The following SCN9A variants were observed in gnomAD, a reference collection of about 807,000 sequenced individuals.
SCN9A encodes sodium channel protein type 9 subunit alpha.
A neutral mutation model predicts 187.0 loss-of-function variants in SCN9A; 131 were observed. That is an observed-to-expected ratio of 0.70 (90% CI 0.61 to 0.81). SCN9A has a LOEUF of 0.81. Among genes scored for constraint, SCN9A ranks in the 30% least tolerant of loss-of-function variants. The pLI, the probability that SCN9A is intolerant of heterozygous loss-of-function variation, is 0.00. For missense variants in SCN9A, 2,252 were observed against 2,396.6 expected, an observed-to-expected ratio of 0.94 and a Z score of 1.26; for synonymous variants, 809 against 808.6, an observed-to-expected ratio of 1.00 and a Z score of -0.01.
Position 166,310,450 on chromosome 2 carries a change from C to G in SCN9A, c.258+1049G>C, listed in dbSNP as rs1371464353. Among the ~76,000 whole-genome samples the G allele has an allele frequency of 3.5e-5, 3 of 84,858 alleles. 1 individual carries two copies. The East Asian group carries it at 7.6e-4, about 21-fold the overall frequency. 55.7% of individuals were successfully genotyped at this position (84,858 alleles called of 152,430 possible). On this transcript the variant is annotated intron_variant, in intron 2 of 26. Coordinates refer to ENST00000642356, the MANE Select transcript of SCN9A (RefSeq NM_001365536.1). ...TCAAAAAGTGGGCAAAGGACATGAACAGACACTTCTCAAAAGAAGACATTT... is the reference window on the plus strand; with the variant it reads ...TCAAAAAGTGGGCAAAGGACATGAAGAGACACTTCTCAAAAGAAGACATTT...
intron 2 of SCN9A, among the ~76,000 whole-genome samples, chr2:166,311,249 A>T (rs1283931507): frequency 6.2e-5 from 6 of 97,466 alleles, no homozygotes; most frequent in African/African-American, 1.2e-4. Flanking sequence ...AAGTATAATT[A>T]AAAAAAAAAA....
intron 1 of SCN9A, among the ~76,000 whole-genome samples, chr2:166,364,387 T>C (rs753149666): frequency 2.6e-5 from 4 of 152,128 alleles, no homozygotes; most frequent in Middle Eastern, 3.2e-3. Context: ...CCAATGTTCA[T>C]AGCAGCACTA....
chr2:166,306,637 G>C (rs888806224), intron 3 of SCN9A, 38 bp from the exon 4 acceptor site: 14 of 1,365,098 alleles, frequency 1.0e-5, no homozygotes, highest in African/African-American at 1.4e-5. Context: ...ACGACAGTGG[G>C]AATTTGAAAT....
At chr2:166,225,046 C>T (rs1018518862) in intron 24 of SCN9A, among the ~76,000 whole-genome samples, 1 of 152,098 alleles carries the variant, frequency 6.6e-6, no homozygotes, top group Non-Finnish European at 1.5e-5. Context: ...GAATGAAACA[C>T]CAGCTGCTAT....
chr2:166,276,727 GA>G (rs1697252015), intron 16 of SCN9A: 1 of 220,080 alleles, frequency 4.5e-6, no homozygotes, highest in Non-Finnish European at 8.7e-6. Context: ...CAAAATTAGA[GA>G]AAAAGATAGA....
chr2:166,279,210 G>A (rs530891810), intron 14 of SCN9A, among the ~76,000 whole-genome samples: 1 of 152,244 alleles, frequency 6.6e-6, no homozygotes, highest in African/African-American at 2.4e-5. Flanking sequence ...TAGAAGGGAA[G>A]AAGAATGCTA....
At chr2:166,345,596 T>G (rs1699882404) in intron 1 of SCN9A, among the ~76,000 whole-genome samples, 1 of 151,972 alleles carries the variant, frequency 6.6e-6, no homozygotes, top group African/African-American at 2.4e-5. Flanking sequence ...TCTAGGCATT[T>G]CAAATTAATA....
At chr2:166,228,061 A>G (rs1694914952) in intron 22 of SCN9A, among the ~76,000 whole-genome samples, 1 of 152,044 alleles carries the variant, frequency 6.6e-6, no homozygotes, top group Non-Finnish European at 1.5e-5. Flanking sequence ...GCCTGTGGGA[A>G]GTTCCTCTCA....
chr2:166,363,729 G>GAAA (rs1700346169), intron 1 of SCN9A, among the ~76,000 whole-genome samples: 1 of 151,972 alleles, frequency 6.6e-6, no homozygotes, highest in African/African-American at 2.4e-5. Flanking sequence ...AAACGTCAGA[G>GAAA]TTAGAACTGT....
At chr2:166,259,819 T>C (rs541816604) in intron 17 of SCN9A, among the ~76,000 whole-genome samples, 11 of 151,890 alleles carry the variant, frequency 7.2e-5, no homozygotes, top group Admixed American at 6.6e-4. Context: ...GACAAATATT[T>C]CATTGTTTTT....
At chr2:166,304,688 T>TTCC (rs1698694822) in intron 5 of SCN9A, among the ~76,000 whole-genome samples, 1 of 152,056 alleles carries the variant, frequency 6.6e-6, no homozygotes, top group Admixed American at 6.6e-5. Context: ...TGTTTGATAT[T>TTCC]TCCATTCATA....
chr2:166,361,851 A>G (rs577021824), intron 1 of SCN9A, among the ~76,000 whole-genome samples: 1 of 152,226 alleles, frequency 6.6e-6, no homozygotes, highest in Non-Finnish European at 1.5e-5. Context: ...AGGATTTTTC[A>G]TTAGCAGCGG....
intron 7 of SCN9A, chr2:166,302,222 C>CTCCCTCT (rs1698585201): frequency 4.6e-5 from 7 of 151,850 alleles, no homozygotes; most frequent in African/African-American, 1.7e-4. Context: ...TAGATACATT[C>CTCCCTCT]CAGGTGTCAG....
intron 17 of SCN9A, among the ~76,000 whole-genome samples, chr2:166,256,131 A>T (rs1217743825): frequency 6.6e-6 from 1 of 151,340 alleles, no homozygotes; most frequent in Non-Finnish European, 1.5e-5. Flanking sequence ...TCTGGTGTAG[A>T]ACAAAAATAA....
chr2:166,305,528 C>G (rs1034079396), intron 5 of SCN9A, among the ~76,000 whole-genome samples: 5 of 152,072 alleles, frequency 3.3e-5, no homozygotes, highest in African/African-American at 1.2e-4. Flanking sequence ...CTAATTGGCA[C>G]TGCATAGACT....
At chr2:166,359,225 G>C (rs1309429236) in intron 1 of SCN9A, among the ~76,000 whole-genome samples, 2 of 152,068 alleles carry the variant, frequency 1.3e-5, no homozygotes, top group Non-Finnish European at 2.9e-5. Flanking sequence ...ACTAGATCCA[G>C]ATTATCTAAT....
intron 17 of SCN9A, among the ~76,000 whole-genome samples, chr2:166,258,149 A>G (rs1696356964): frequency 6.6e-6 from 1 of 151,532 alleles, no homozygotes; most frequent in Admixed American, 6.6e-5. Context: ...TTATTGGCAG[A>G]GATTCCTGCC....
intron 14 of SCN9A, 28 bp from the exon 15 acceptor site, chr2:166,278,341 T>A (rs953012203): frequency 1.3e-6 from 2 of 1,517,872 alleles, no homozygotes; most frequent in Non-Finnish European, 1.8e-6. Context: ...TGTTTTTCTG[T>A]TAATATTAGA....
chr2:166,293,098 A>G, intron 9 of SCN9A, 133 bp downstream of exon 9: 3 of 718,532 alleles, frequency 4.2e-6, no homozygotes, highest in Non-Finnish European at 6.7e-6. Context: ...TAAAACACTT[A>G]TAATTTTGGT....
Sources: allele counts gnomAD v4.1 joint callset (sites outside exome capture counted in the v4.1 genomes callset), GRCh38; gene constraint gnomAD v4.1.1; transcripts MANE v1.5; gene names NCBI Gene and HGNC (gene_info 2026-07-23, HGNC 2026-07-21).